Variants in WASHC2A observed in about 807,000 individuals in gnomAD.
The protein encoded by WASHC2A is WASH complex subunit 2A.
Under a neutral mutation model 140.3 loss-of-function variants are expected in WASHC2A, and 82 were observed. The ratio of observed to expected loss-of-function variants is 0.58; its 90% CI spans 0.49 to 0.70. WASHC2A has a LOEUF of 0.70. Among genes scored for constraint, WASHC2A ranks in the 30% least tolerant of loss-of-function variants. The pLI, the probability that WASHC2A is intolerant of heterozygous loss-of-function variation, is 0.00. For missense variants in WASHC2A, 985 were observed against 1,521.8 expected, an observed-to-expected ratio of 0.65 and a Z score of 5.87; for synonymous variants, 340 against 560.8, an observed-to-expected ratio of 0.61 and a Z score of 5.56.
rs200743948 is a variant in WASHC2A, at chr10:50,132,857, G to A, written c.3938G>A (p.Arg1313Gln). 5,200 of 1,611,444 alleles carry A rather than the reference G, an allele frequency of 3.2e-3. No individual in the cohort carries two copies. The highest frequency in any genetic ancestry group is 0.012 in the Middle Eastern group (53 of 4,430). ...IQAKTTKPKS[R>Q]SAQAAPEPRF... is the part of the protein sequence containing the mutation. ...GCTAAGACAACCAAACCAAAAAGCCGATCTGCACAGGCCGCACCTGAACCA... is the reference window on the plus strand; with the variant it reads ...GCTAAGACAACCAAACCAAAAAGCCAATCTGCACAGGCCGCACCTGAACCA... The change falls in exon 31 of 31, where the codon CGA (arginine) becomes CAA (glutamine). Residue 1313 changes from arginine (R) to glutamine (Q), a missense_variant. Physicochemically the swap from Arg to Gln is conservative, Grantham distance 43. Transcript: ENST00000282633.
chr10:50,115,424 A>G (rs1308366669), intron 21 of WASHC2A, among the ~76,000 whole-genome samples: 2 of 110,786 alleles, frequency 1.8e-5, no homozygotes, highest in Admixed American at 1.1e-4. Flanking sequence ...GAGACACAGC[A>G]TTTATACATT....
Position 50,117,929 on chromosome 10 carries a change from A to G in WASHC2A, c.2166A>G (p.Ala722=). ...AGAAAAAAGAGACTGTCTCTGAGGC[A>G]CCACCTTTGCTGTTCAGCGATGAAG... ...ATKKKETVSE[A]PPLLFSDEEE... The change falls in exon 22 of 31, where the codon GCA becomes GCG. Residue 722 remains alanine, a synonymous_variant. Coordinates refer to ENST00000282633, the MANE Select transcript of WASHC2A (RefSeq NM_001005751.3). 2.6e-6 allele frequency: 4 copies of G among 1,542,802 alleles called. No homozygotes were observed. Among genetic ancestry groups the G allele is most frequent in the Non-Finnish European group, 3.5e-6 (4 of 1,128,164 alleles).
intron 30 of WASHC2A, among the ~76,000 whole-genome samples, chr10:50,131,442 A>G (rs1489161845): frequency 6.6e-6 from 1 of 152,132 alleles, no homozygotes; most frequent in African/African-American, 2.4e-5. Flanking sequence ...CTTGGGTGTG[A>G]TGTGGTTGGT....
chr10:50,091,561 G>T (rs1839930946), intron 10 of WASHC2A, 43 bp downstream of exon 10: 4 of 1,548,926 alleles, frequency 2.6e-6, no homozygotes, highest in Admixed American at 2.0e-5. Context: ...GGGGAGTAGT[G>T]CAGGGCCCTC....
chr10:50,124,806 T>G (rs1589279482), intron 23 of WASHC2A, among the ~76,000 whole-genome samples: 1 of 150,914 alleles, frequency 6.6e-6, no homozygotes. Context: ...AATAAAAAAT[T>G]TAGATACTAT....
At position 50,106,374 on chromosome 10, in the gene WASHC2A, T is replaced by C. The variant is rs782333791; in HGVS notation, c.1778T>C (p.Leu593Ser). Residue 593 changes from leucine (L) to serine (S), a missense_variant, in exon 19 of 31, where the codon TTG becomes TCG. Transcript: ENST00000282633. ...GGTACAGCTGCTAAGAAGCAGACAT[T>C]GTGTCTACAAGCTCAGAGAGAAGAG... ...FGGTAAKKQTLCLQAQREEKA... is the reference protein window; with the variant it reads ...FGGTAAKKQTSCLQAQREEKA... The C allele has an allele frequency of 9.3e-6, 15 of 1,611,954 alleles. No homozygotes were observed. In the South Asian group the frequency reaches 1.5e-4, roughly 17 times the overall value.
intron 23 of WASHC2A, among the ~76,000 whole-genome samples, chr10:50,124,332 G>T (rs1843240381): frequency 6.6e-6 from 1 of 151,524 alleles, no homozygotes; most frequent in African/African-American, 2.4e-5. Context: ...TCGAACTCCT[G>T]GCCTCTGGTA....
In WASHC2A at chr10:50,123,964, AT is replaced by A. The variant is rs1186595045; in HGVS notation, c.2479-1144del. ...CTCTTACTGTGTATGGTTTTGTAAT[AT>A]TTTTCCATAGTTGTGAAATATTTAA... On this transcript the variant is annotated intron_variant, in intron 23 of 30. Coordinates refer to ENST00000282633, the MANE Select transcript of WASHC2A (RefSeq NM_001005751.3). Among the ~76,000 whole-genome samples, 12 of 152,126 alleles carry A rather than the reference AT, an allele frequency of 7.9e-5. No homozygotes were observed. The East Asian group carries it at 2.1e-3, about 27-fold the overall frequency.
chr10:50,068,766 G>C (rs1258025475), intron 2 of WASHC2A, among the ~76,000 whole-genome samples: 2 of 149,912 alleles, frequency 1.3e-5, no homozygotes, highest in Non-Finnish European at 3.0e-5. Context: ...GCCCAGGCTG[G>C]AGTGCAAGTG....
At position 50,069,589 on chromosome 10, in the gene WASHC2A, A is replaced by G. The variant is rs1295866440; in HGVS notation, c.169A>G (p.Arg57Gly). 3.1e-6 allele frequency: 5 copies of G among 1,613,950 alleles called. No individual in the cohort carries two copies. Among genetic ancestry groups the G allele is most frequent in the Non-Finnish European group, 3.4e-6 (4 of 1,179,852 alleles). Residue 57 changes from arginine (R) to glycine (G), a missense_variant, in exon 3 of 31, where the codon AGG becomes GGG. By Grantham distance (125) the Arg-to-Gly change is moderately radical (BLOSUM62 -2). Coordinates refer to ENST00000282633, the MANE Select transcript of WASHC2A (RefSeq NM_001005751.3). ...GGAATTCTCACAGCAAACTATCTCTAGGACCCATGAAATCAAGAAACAAGT... is the reference window on the plus strand; with the variant it reads ...GGAATTCTCACAGCAAACTATCTCTGGGACCCATGAAATCAAGAAACAAGT... ...LQEFSQQTISRTHEIKKQVDG... is the reference protein window; with the variant it reads ...LQEFSQQTISGTHEIKKQVDG...
chr10:50,095,852 C>A, intron 15 of WASHC2A, 74 bp downstream of exon 15: 1 of 1,547,596 alleles, frequency 6.5e-7, no homozygotes, highest in Non-Finnish European at 8.7e-7. Context: ...ATAAGCTCAC[C>A]TAGTTCTGTA....
chr10:50,090,572 T>C (rs1435439400), intron 8 of WASHC2A, among the ~76,000 whole-genome samples: 9 of 146,458 alleles, frequency 6.1e-5, no homozygotes, highest in Admixed American at 1.4e-4. Context: ...TATATATTTT[T>C]ATATATATAT....
intron 28 of WASHC2A, among the ~76,000 whole-genome samples, chr10:50,129,020 C>T (rs1306050344): frequency 6.6e-6 from 1 of 151,938 alleles, no homozygotes; most frequent in African/African-American, 2.4e-5. Context: ...ACCAGAATTC[C>T]CCGATTCTTT....
chr10:50,125,586 T>C (rs2805232), intron 25 of WASHC2A, 137 bp downstream of exon 25: 62 of 1,586,126 alleles, frequency 3.9e-5, no homozygotes, highest in Non-Finnish European at 5.0e-5. Context: ...AATAACATGC[T>C]GAGGGGAGCG....
intron 16 of WASHC2A, among the ~76,000 whole-genome samples, chr10:50,099,188 C>A (rs575963354): frequency 0.014 from 2,153 of 152,126 alleles, 27 homozygotes; most frequent in Non-Finnish European, 0.024. Flanking sequence ...TCTCCCTCTC[C>A]TTCCCCGATT....
In WASHC2A at chr10:50,077,042, A is replaced by G. The variant is rs1223713166; in HGVS notation, c.292-1633A>G. 9.4e-3 allele frequency among the ~76,000 whole-genome samples: 1,415 copies of G among 151,042 alleles called. 8 individuals carry two copies. Among genetic ancestry groups the G allele is most frequent in the Admixed American group, 0.019 (285 of 15,112 alleles). On this transcript the variant is annotated intron_variant, in intron 3 of 30. Coordinates refer to ENST00000282633, the MANE Select transcript of WASHC2A (RefSeq NM_001005751.3). Reference sequence around the variant, plus strand: ...TGAGGCAGGAGAATGGCGTGAACCCAGGAGGCAGAGCTTGCAGTGAGCCGA... The same window carrying G: ...TGAGGCAGGAGAATGGCGTGAACCCGGGAGGCAGAGCTTGCAGTGAGCCGA...
chr10:50,084,157 C>T lies in WASHC2A; in HGVS notation c.614C>T (p.Ser205Phe), dbSNP rs1839182605. The change falls in exon 6 of 31, where the codon TCC becomes TTC. Residue 205 changes from serine (S) to phenylalanine (F), a missense_variant. Physicochemically the swap from Ser to Phe is radical, Grantham distance 155 (BLOSUM62 -2). Coordinates refer to ENST00000282633, the MANE Select transcript of WASHC2A (RefSeq NM_001005751.3). ...EQEDVGLGEL[S>F]SEEGSVGSDR... ...GAAGATGTAGGTCTTGGAGAGCTGT[C>T]CAGTGAAGGTACTTTTCTTCACCAA... 6.2e-7 allele frequency: 1 copy of T among 1,611,438 alleles called. No individual in the cohort carries two copies. Among genetic ancestry groups the T allele is most frequent in the South Asian group, 1.1e-5 (1 of 90,904 alleles).
Position 50,121,977 on chromosome 10 carries a change from CT to C in WASHC2A, c.2478+2213del, listed in dbSNP as rs1554893580. Among the ~76,000 whole-genome samples the C allele has an allele frequency of 2.8e-5, 3 of 106,646 alleles. 1 individual carries two copies. The highest frequency in any genetic ancestry group is 1.0e-4 in the African/African-American group (3 of 29,330). 70.0% of individuals were successfully genotyped at this position (106,646 alleles called of 152,430 possible). A position where few individuals can be genotyped will look rare whatever the true frequency, so the allele number is the denominator to read the frequency against. On this transcript the variant is annotated intron_variant, in intron 23 of 30. Coordinates refer to ENST00000282633, the MANE Select transcript of WASHC2A (RefSeq NM_001005751.3). ...TAATCTCTATCAGAATTCCAGCTTG[CT>C]TTTTGCAGAAATGGACAAGCTGATC...
intron 15 of WASHC2A, among the ~76,000 whole-genome samples, chr10:50,097,093 A>G (rs1840556778): frequency 7.6e-6 from 1 of 131,692 alleles, no homozygotes; most frequent in African/African-American, 2.6e-5. Flanking sequence ...CACAAATGGT[A>G]AGACATTGTT....
Sources: allele counts gnomAD v4.1 joint callset (sites outside exome capture counted in the v4.1 genomes callset), GRCh38; gene constraint gnomAD v4.1.1; transcripts MANE v1.5; gene names NCBI Gene and HGNC (gene_info 2026-07-23, HGNC 2026-07-21).